SPTBN2: variants seen among roughly 807,000 people sequenced by gnomAD.
The protein encoded by SPTBN2 is spectrin beta, non-erythrocytic 2.
Under a neutral mutation model 284.2 loss-of-function variants are expected in SPTBN2, and 107 were observed. The observed-to-expected ratio is 0.38, with a 90% CI of 0.32 to 0.44. SPTBN2 has a LOEUF of 0.44. Among genes scored for constraint, SPTBN2 ranks in the 20% least tolerant of loss-of-function variants. The probability of loss-of-function intolerance (pLI) is 1.00; values close to 1 mark genes in which losing one functional copy is unlikely to be tolerated. For synonymous variants in SPTBN2, 1,289 were observed against 1,354.8 expected, an observed-to-expected ratio of 0.95 and a Z score of 1.07; for missense variants, 2,569 against 3,287.1, an observed-to-expected ratio of 0.78 and a Z score of 5.34.
Position 66,700,695 on chromosome 11 carries a change from T to C in SPTBN2, c.3404A>G (p.Gln1135Arg), listed in dbSNP as rs751211496. The C allele has an allele frequency of 2.5e-6, 4 of 1,605,740 alleles. No individual in the cohort carries two copies. In the Admixed American group the frequency reaches 5.0e-5, roughly 20 times the overall value. ...TAGGAAGAGGCACTGGGGGTCAGCC[T>C]GGTCCCGGGTCACCTCCTCGCCCAG... ...RALGEEVTRD[Q>R]ADPQCLFLRQ... The change falls in exon 17 of 38, where the codon CAG becomes CGG. Residue 1135 changes from glutamine to arginine, a missense_variant. Transcript: ENST00000533211. This position sits in a 1 kb window ranked among gnomAD's most constrained non-coding sequence, Gnocchi z 6.6.
chr11:66,701,583 C>T lies in SPTBN2; in HGVS notation c.2816+1G>A. On this transcript the variant is annotated splice_donor_variant, in intron 16 of 37. Coordinates refer to ENST00000533211, the MANE Select transcript of SPTBN2 (RefSeq NM_006946.4). LOFTEE classifies it high-confidence loss of function. ...TCCTGGTCCTGCCCTCCCAAACCCA[C>T]CTGTGGTTGAGCTGCTCCTGGGTGT... 6.2e-7 allele frequency: 1 copy of T among 1,614,136 alleles called. No homozygotes were observed.
At chr11:66,703,967 CTTTTCTTTTTTTT>C (rs1317975464) in intron 15 of SPTBN2, among the ~76,000 whole-genome samples, 54 of 133,824 alleles carry the variant, frequency 4.0e-4, no homozygotes, top group African/African-American at 1.4e-3. Context: ...CCTCGTATTT[CTTTTCTTTTTTTT>C]TTTTTTTTTT....
chr11:66,723,359 C>T (rs991675744), intron 1 of SPTBN2, among the ~76,000 whole-genome samples: 6 of 151,992 alleles, frequency 3.9e-5, no homozygotes, highest in Non-Finnish European at 5.9e-5. Context: ...GCTGTAGTCT[C>T]GGTAGTCTCG....
In SPTBN2 at chr11:66,693,030, T is replaced by C; in HGVS notation, c.4925A>G (p.Gln1642Arg). The C allele has an allele frequency of 6.2e-7, 1 of 1,612,958 alleles. No homozygotes were observed. Among genetic ancestry groups the C allele is most frequent in the African/African-American group, 1.3e-5 (1 of 75,062 alleles). ...VLEQALADYA[Q>R]TIHQLAASSQ... ...GCTGGCCGCCAGCTGGTGGATGGTCTGCGCGTAGTCGGCCAGGGCTTGCTC... is the reference window on the plus strand; with the variant it reads ...GCTGGCCGCCAGCTGGTGGATGGTCCGCGCGTAGTCGGCCAGGGCTTGCTC... Residue 1642 changes from glutamine (Q) to arginine (R), a missense_variant, in exon 25 of 38, where the codon CAG (glutamine) becomes CGG (arginine). By Grantham distance (43) the Gln-to-Arg change is conservative. This residue lies in a region of SPTBN2 where 1,130 missense variants were observed against 1,317.3 expected (regional missense o/e 0.86). Transcript: ENST00000533211. This position sits in a 1 kb window ranked among gnomAD's most constrained non-coding sequence, Gnocchi z 5.7.
chr11:66,687,065 A>G lies in SPTBN2; in HGVS notation c.6825T>C (p.Pro2275=). 1 of 1,614,106 alleles carries G rather than the reference A, an allele frequency of 6.2e-7. No homozygotes were observed. The highest frequency in any genetic ancestry group is 8.5e-7 in the Non-Finnish European group (1 of 1,180,038). ...TGCCCTGGGCCCTGGCCAGGCTGACAGGCACTTCTCCGTGGTATGGCACTC... is the reference window on the plus strand; with the variant it reads ...TGCCCTGGGCCCTGGCCAGGCTGACGGGCACTTCTCCGTGGTATGGCACTC... ...SAGVPYHGEV[P]VSLARAQGSV... is the part of the protein sequence containing the mutation. Residue 2275 remains proline (P), a synonymous_variant, in exon 36 of 38, where the codon CCT becomes CCC. Coordinates refer to ENST00000533211, the MANE Select transcript of SPTBN2 (RefSeq NM_006946.4). The surrounding 1 kb of genome is among the most constrained non-coding windows in gnomAD (Gnocchi z 5.2).
Position 66,693,859 on chromosome 11 carries a change from C to T in SPTBN2, c.4506G>A (p.Leu1502=). 1 of 1,613,854 alleles carries T rather than the reference C, an allele frequency of 6.2e-7. No individual in the cohort carries two copies. The highest frequency in any genetic ancestry group is 8.5e-7 in the Non-Finnish European group (1 of 1,179,904). The stretch of plus-strand genomic sequence containing the variant: ...CCATGGGCAGCCGCTCTGTCACCCA[C>T]AACTGGAAGAGGAAGAGGGGGTCAG... ...QFHRDVEDEI[L]WVTERLPMAS... is the part of the protein sequence containing the mutation. Residue 1502 remains leucine, a splice_region_variant and synonymous_variant, in exon 23 of 38, where the codon TTG becomes TTA. Transcript: ENST00000533211. This position sits in a 1 kb window ranked among gnomAD's most constrained non-coding sequence, Gnocchi z 5.7.
chr11:66,737,209 T>C (rs1207351817), intron 1 of SPTBN2, among the ~76,000 whole-genome samples: 3 of 152,056 alleles, frequency 2.0e-5, no homozygotes, highest in Admixed American at 6.5e-5. Context: ...GCATAAAATG[T>C]TAAAGGGGGA....
rs1403448676 is a variant in SPTBN2, at chr11:66,683,461, G to A, written c.*2410C>T. Among the ~76,000 whole-genome samples the A allele has an allele frequency of 2.0e-5, 3 of 152,048 alleles. No individual in the cohort carries two copies. The highest frequency in any genetic ancestry group is 4.4e-5 in the Non-Finnish European group (3 of 68,010). On this transcript the variant is annotated 3_prime_UTR_variant, in exon 38 of 38. Transcript: ENST00000533211. Reference sequence around the variant, plus strand: ...TCTAACTTGTCTCATAGCCCTCACCGCCCCATTCCATCCTGTTGTCTTTCC... The same window carrying A: ...TCTAACTTGTCTCATAGCCCTCACCACCCCATTCCATCCTGTTGTCTTTCC...
In SPTBN2 at chr11:66,710,732, T is replaced by C. The variant is rs374378152; in HGVS notation, c.923A>G (p.Glu308Gly). ...CTCCGAGGCCAGGGACTCGTATTTC[T>C]CCACCAGGCGCTCTGCCTCCATGGC... Reference protein sequence around the residue: ...DHAMEAERLVEKYESLASELL... With the variant: ...DHAMEAERLVGKYESLASELL... The change falls in exon 10 of 38, where the codon GAG becomes GGG. Residue 308 changes from glutamate to glycine, a missense_variant. Glu to Gly is a moderately conservative substitution (Grantham distance 98). Coordinates refer to ENST00000533211, the MANE Select transcript of SPTBN2 (RefSeq NM_006946.4). The surrounding 1 kb of genome is among the most constrained non-coding windows in gnomAD (Gnocchi z 4.9). 6.8e-6 allele frequency: 11 copies of C among 1,614,008 alleles called. No individual in the cohort carries two copies. The highest frequency in any genetic ancestry group is 1.6e-4 in the Middle Eastern group (1 of 6,076).
At position 66,718,600 on chromosome 11, in the gene SPTBN2, G is replaced by C. The variant is rs7118311; in HGVS notation, c.157+2484C>G. 0.011 allele frequency among the ~76,000 whole-genome samples: 1,676 copies of C among 152,320 alleles called. 40 individuals carry two copies. Among genetic ancestry groups the C allele is most frequent in the African/African-American group, 0.038 (1,570 of 41,566 alleles). On this transcript the variant is annotated intron_variant, in intron 3 of 37. Transcript: ENST00000533211. This position sits in a 1 kb window ranked among gnomAD's most constrained non-coding sequence, Gnocchi z 4.8. ...CATGCAGGCCGTTCCCGTGCACCCT[G>C]CTCACTCCGTTCCCATTCATGCTGC...
At chr11:66,736,975 G>C (rs997712341) in intron 1 of SPTBN2, among the ~76,000 whole-genome samples, 3 of 152,184 alleles carry the variant, frequency 2.0e-5, no homozygotes, top group African/African-American at 7.2e-5. Flanking sequence ...CTTGGACAAG[G>C]TATTTAACTT....
At chr11:66,692,804 C>T in intron 25 of SPTBN2, 64 bp from the exon 26 acceptor site, 1 of 1,597,902 alleles carries the variant, frequency 6.3e-7, no homozygotes, top group Non-Finnish European at 8.5e-7. Context: ...CCGGTCTGTT[C>T]TGTGGAGCCC....
Position 66,707,538 on chromosome 11 carries a change from A to G in SPTBN2, c.1631T>C (p.Met544Thr), listed in dbSNP as rs1440446030. ...QKVFQDLLYL[M>T]DWMEEMKGRL... Reference sequence around the variant, plus strand: ...TACCTTCATCTCTTCCATCCAGTCCATGAGGTAGAGCAGGTCCTGGAACAC... The same window carrying G: ...TACCTTCATCTCTTCCATCCAGTCCGTGAGGTAGAGCAGGTCCTGGAACAC... The change falls in exon 13 of 38, where the codon ATG (methionine) becomes ACG (threonine). Residue 544 changes from methionine to threonine, a missense_variant. Around this residue, in one of 6 missense-constraint regions of SPTBN2, gnomAD observed 1,012 missense variants for 1,248.9 expected, o/e 0.81. Transcript: ENST00000533211. The surrounding 1 kb of genome is among the most constrained non-coding windows in gnomAD (Gnocchi z 4.9). The G allele has an allele frequency of 6.2e-7, 1 of 1,608,962 alleles. No individual in the cohort carries two copies. Among genetic ancestry groups the G allele is most frequent in the South Asian group, 1.1e-5 (1 of 90,414 alleles).
chr11:66,688,346 T>A, intron 31 of SPTBN2, 35 bp from the exon 32 acceptor site: 1 of 1,555,274 alleles, frequency 6.4e-7, no homozygotes, highest in Non-Finnish European at 8.7e-7. Flanking sequence ...GTGTAGAAGG[T>A]TGCGTGTAAG....
Position 66,710,709 on chromosome 11 carries a change from C to G in SPTBN2, c.946G>C (p.Glu316Gln). The change falls in exon 10 of 38, where the codon GAG becomes CAG. Residue 316 changes from glutamate to glutamine, a missense_variant. Around this residue, in one of 6 missense-constraint regions of SPTBN2, gnomAD observed 304 missense variants for 522.1 expected, o/e 0.58. Transcript: ENST00000533211. The surrounding 1 kb of genome is among the most constrained non-coding windows in gnomAD (Gnocchi z 4.9). Reference sequence around the variant, plus strand: ...GTTTGCTCGATCCACTGCAGCAGCTCCGAGGCCAGGGACTCGTATTTCTCC... The same window carrying G: ...GTTTGCTCGATCCACTGCAGCAGCTGCGAGGCCAGGGACTCGTATTTCTCC... ...LVEKYESLASELLQWIEQTIV... is the reference protein window; with the variant it reads ...LVEKYESLASQLLQWIEQTIV... 6.2e-7 allele frequency: 1 copy of G among 1,614,178 alleles called. No homozygotes were observed.
upstream of SPTBN2, among the ~76,000 whole-genome samples, chr11:66,733,201 C>T (rs978812186): frequency 6.6e-6 from 1 of 152,062 alleles, no homozygotes; most frequent in African/African-American, 2.4e-5. Flanking sequence ...ATAGGATCAA[C>T]TTTGTATTTT....
At chr11:66,739,059 A>G (rs115861332) in intron 1 of SPTBN2, among the ~76,000 whole-genome samples, 1,648 of 149,058 alleles carry the variant, frequency 0.011, 36 homozygotes, top group African/African-American at 0.038. Flanking sequence ...TGCCCACTTT[A>G]GCCTCCCCAA....
intron 36 of SPTBN2, 93 bp downstream of exon 36, chr11:66,686,901 C>G: frequency 6.4e-7 from 1 of 1,567,648 alleles, no homozygotes; most frequent in South Asian, 1.1e-5. Flanking sequence ...AGGCTCCTTA[C>G]AGGAACTCCC....
rs778689101 is a variant in SPTBN2, at chr11:66,692,488, C to T, written c.5190+48G>A. 4 of 1,595,016 alleles carry T rather than the reference C, an allele frequency of 2.5e-6. No individual in the cohort carries two copies. The African/African-American group carries it at 5.3e-5, about 21-fold the overall frequency. Reference sequence around the variant, plus strand: ...AGGTCCTAGTCTCCCTGTGGGTCCTCCACTCTTCCCACGGTTGATCTGAGC... The same window carrying T: ...AGGTCCTAGTCTCCCTGTGGGTCCTTCACTCTTCCCACGGTTGATCTGAGC... On this transcript the variant is annotated intron_variant, in intron 26 of 37. Transcript: ENST00000533211.
Sources: allele counts gnomAD v4.1 joint callset (sites outside exome capture counted in the v4.1 genomes callset), GRCh38; gene constraint gnomAD v4.1.1; regional missense constraint gnomAD v4.1.1; non-coding constraint Gnocchi (gnomAD v3.1); transcripts MANE v1.5; gene names NCBI Gene and HGNC (gene_info 2026-07-23, HGNC 2026-07-21).